The following SPAG9 variants were observed in gnomAD, a reference collection of about 807,000 sequenced individuals.
SPAG9 encodes C-Jun-amino-terminal kinase-interacting protein 4.
In SPAG9, 35 loss-of-function variants were observed where a neutral mutation model predicts 166.5. That is an observed-to-expected ratio of 0.21 (90% CI 0.16 to 0.28). The LOEUF (loss-of-function observed/expected upper bound fraction) is 0.28, where lower values mean the gene tolerates loss of function less well. Ranked by LOEUF, SPAG9 falls within the 10% of genes least tolerant of loss-of-function variation. SPAG9 has a pLI of 1.00. For missense variants in SPAG9, 1,235 were observed against 1,603.3 expected, an observed-to-expected ratio of 0.77 and a Z score of 3.92; for synonymous variants, 534 against 565.5, an observed-to-expected ratio of 0.94 and a Z score of 0.79.
chr17:51,095,349 C>T (rs1313176898), intron 1 of SPAG9, among the ~76,000 whole-genome samples: 1 of 146,284 alleles, frequency 6.8e-6, no homozygotes, highest in African/African-American at 2.5e-5. Flanking sequence ...GTGGCTCACG[C>T]CTGTAATCCC....
chr17:50,998,167 G>A (rs2044762524), intron 15 of SPAG9, among the ~76,000 whole-genome samples: 1 of 151,076 alleles, frequency 6.6e-6, no homozygotes, highest in South Asian at 2.1e-4. Flanking sequence ...AAGTAGCTGT[G>A]ATTACAGCCA....
intron 25 of SPAG9, among the ~76,000 whole-genome samples, chr17:50,981,411 T>TGGATGGAC (rs1415413887): frequency 6.6e-6 from 1 of 151,552 alleles, no homozygotes; most frequent in Non-Finnish European, 1.5e-5. Context: ...GATGGATGGA[T>TGGATGGAC]GGATGGATGG....
At chr17:51,044,728 T>C (rs943402990) in intron 4 of SPAG9, among the ~76,000 whole-genome samples, 7 of 152,206 alleles carry the variant, frequency 4.6e-5, no homozygotes, top group African/African-American at 1.2e-4. Context: ...TCAGAGATTT[T>C]AGGCACTAGT....
intron 21 of SPAG9, among the ~76,000 whole-genome samples, chr17:50,989,297 T>C (rs929273177): frequency 3.3e-5 from 5 of 152,224 alleles, no homozygotes; most frequent in Admixed American, 3.3e-4. Flanking sequence ...CTAGGAGCAA[T>C]GGGCTATACC....
chr17:50,977,121 G>A lies in SPAG9; in HGVS notation c.3510C>T (p.Ile1170=). 3 of 1,597,388 alleles carry A rather than the reference G, an allele frequency of 1.9e-6. No individual in the cohort carries two copies. The highest frequency in any genetic ancestry group is 2.6e-6 in the Non-Finnish European group (3 of 1,165,032). ...AAATATACTTACTTTCTGTCAATGG[G>A]ATGGAGATAATGACACCATTTCCTG... The part of the protein sequence containing the change: ...VGTGNGVIIS[I]PLTETNKTSG... Residue 1170 remains isoleucine, a synonymous_variant, in exon 27 of 30, where the codon ATC becomes ATT. Transcript: ENST00000262013.
At chr17:51,060,245 C>T (rs1258025361) in intron 2 of SPAG9, among the ~76,000 whole-genome samples, 1 of 152,072 alleles carries the variant, frequency 6.6e-6, no homozygotes, top group African/African-American at 2.4e-5. Flanking sequence ...TGGCTCACAC[C>T]TGTAATCCCA....
At chr17:51,062,180 T>C (rs535577462) in intron 2 of SPAG9, among the ~76,000 whole-genome samples, 3 of 152,206 alleles carry the variant, frequency 2.0e-5, no homozygotes, top group South Asian at 4.2e-4. Context: ...AGAATTTCCA[T>C]GTATTTGCAG....
intron 9 of SPAG9, chr17:51,009,066 G>C: frequency 2.3e-6 from 1 of 431,860 alleles, no homozygotes; most frequent in South Asian, 1.7e-5. Flanking sequence ...CATTAGATGA[G>C]AACAGCAGCC....
chr17:50,970,886 TACTTATC>T, intron 28 of SPAG9, 30 bp from the exon 29 acceptor site: 1 of 1,586,492 alleles, frequency 6.3e-7, no homozygotes, highest in Non-Finnish European at 8.6e-7. Flanking sequence ...AAGTGAATAT[TACTTATC>T]ACAGAAGGGA....
At chr17:51,108,565 G>A (rs1568095912) in intron 1 of SPAG9, among the ~76,000 whole-genome samples, 1 of 152,004 alleles carries the variant, frequency 6.6e-6, no homozygotes, top group Non-Finnish European at 1.5e-5. Flanking sequence ...GGCACAATCA[G>A]GGGTCATTGC....
intron 1 of SPAG9, chr17:51,084,397 T>C (rs1033568847): frequency 2.0e-5 from 3 of 151,872 alleles, no homozygotes; most frequent in Non-Finnish European, 4.4e-5. Flanking sequence ...AAAAAAAAAT[T>C]TTTTTTTTGG....
intron 1 of SPAG9, among the ~76,000 whole-genome samples, chr17:51,093,888 A>G (rs1352785521): frequency 1.3e-5 from 2 of 151,990 alleles, no homozygotes; most frequent in Admixed American, 1.3e-4. Context: ...TTCCTTGCTC[A>G]CCCACACAGG....
chr17:51,007,846 T>C (rs1014589854), intron 9 of SPAG9: 3 of 452,400 alleles, frequency 6.6e-6, no homozygotes, highest in Non-Finnish European at 8.9e-6. Flanking sequence ...CCAAAGAAAT[T>C]ATGGTCTTAA....
chr17:50,977,023 G>T, intron 27 of SPAG9, 85 bp downstream of exon 27: 1 of 837,668 alleles, frequency 1.2e-6, no homozygotes, highest in African/African-American at 1.7e-5. Flanking sequence ...GATTTTCTGA[G>T]CTAACACAGA....
intron 29 of SPAG9, among the ~76,000 whole-genome samples, chr17:50,970,427 T>A (rs551781599): frequency 6.7e-6 from 1 of 148,544 alleles, no homozygotes; most frequent in Non-Finnish European, 1.5e-5. Context: ...AGCAGGAGAA[T>A]CACTTGAACC....
At chr17:51,024,187 G>A (rs190826836) in intron 6 of SPAG9, among the ~76,000 whole-genome samples, 6 of 152,114 alleles carry the variant, frequency 3.9e-5, no homozygotes, top group African/African-American at 1.4e-4. Flanking sequence ...AGCTACCCGG[G>A]AGGCAGAGGT....
intron 5 of SPAG9, among the ~76,000 whole-genome samples, chr17:51,040,062 CTG>C (rs1041965218): frequency 6.6e-6 from 1 of 151,994 alleles, no homozygotes; most frequent in African/African-American, 2.4e-5. Context: ...TGGTGAAACT[CTG>C]TCTCTATTAA....
At chr17:50,985,201 A>C (rs1188907121) in intron 23 of SPAG9, among the ~76,000 whole-genome samples, 1 of 152,244 alleles carries the variant, frequency 6.6e-6, no homozygotes, top group Non-Finnish European at 1.5e-5. Context: ...TATGAATGGT[A>C]TCTCAGTTAT....
intron 3 of SPAG9, among the ~76,000 whole-genome samples, chr17:51,050,707 C>T (rs765009999): frequency 6.7e-6 from 1 of 150,324 alleles, no homozygotes; most frequent in South Asian, 2.1e-4. Context: ...TAAGGCCTCA[C>T]AGTATCACTC....
Sources: gnomAD v4.1 joint callset for allele counts (sites outside exome capture counted in the v4.1 genomes callset) on GRCh38, gnomAD v4.1.1 for gene constraint, MANE v1.5 for transcripts, NCBI Gene and HGNC (gene_info 2026-07-23, HGNC 2026-07-21) for gene names.